The following TGM1 variants were observed in gnomAD, a reference collection of about 807,000 sequenced individuals.
TGM1 encodes the protein protein-glutamine gamma-glutamyltransferase K.
In TGM1, 63 loss-of-function variants were observed where a neutral mutation model predicts 88.7. That is an observed-to-expected ratio of 0.71 (90% CI 0.58 to 0.88). The LOEUF (loss-of-function observed/expected upper bound fraction) is 0.88. TGM1 is among the 40% of genes least tolerant of loss of function. The pLI, the probability that TGM1 is intolerant of heterozygous loss-of-function variation, is 0.00. For missense variants in TGM1, 996 were observed against 1,118.0 expected (o/e 0.89, Z 1.56); for synonymous variants, 415 against 431.1 (o/e 0.96, Z 0.46).
chr14:24,258,599 T>G lies in TGM1; in HGVS notation c.1234A>C (p.Thr412Pro). The G allele has an allele frequency of 1.9e-6, 3 of 1,614,164 alleles. No homozygotes were observed. The highest frequency in any genetic ancestry group is 2.5e-6 in the Non-Finnish European group (3 of 1,180,018). The change falls in exon 8 of 15, where the codon ACC (threonine) becomes CCC (proline). Residue 412 changes from threonine to proline, a missense_variant. Transcript: ENST00000206765. The part of the protein sequence containing the change: ...NSAHDTDTSL[T>P]MDIYFDENMK... ...TTCTCGTCGAAGTAGATGTCCATGG[T>G]AAGGGATGTGTCTGTGTCGTGGGCG...
rs749759208 is a variant in TGM1, at chr14:24,262,025, C to G, written c.319+9G>C. On this transcript the variant is annotated intron_variant, in intron 2 of 14. Transcript: ENST00000206765. The stretch of plus-strand genomic sequence containing the variant: ...TAGCTCTCAGCTGAGGAGGACAGAC[C>G]GGCCTCACCTCGGATGGTGCCATCT... The G allele has an allele frequency of 6.2e-7, 1 of 1,613,230 alleles. No homozygotes were observed. The highest frequency in any genetic ancestry group is 1.3e-5 in the African/African-American group (1 of 75,020).
At position 24,262,155 on chromosome 14, in the gene TGM1, A is replaced by G. The variant is rs1333544245; in HGVS notation, c.198T>C (p.Ser66=). 2.5e-6 allele frequency: 4 copies of G among 1,613,722 alleles called. No individual in the cohort carries two copies. In the Admixed American group the frequency reaches 5.0e-5, roughly 20 times the overall value. Residue 66 remains serine, a synonymous_variant, in exon 2 of 15, where the codon TCT becomes TCC. Transcript: ENST00000206765. ...AGCTGGACCCTCGACCCCTGGAGTC[A>G]GAGGGTTCAGGTCCCCAGTCGTCAT... ...AADDDWGPEP[S]DSRGRGSSSG...
At chr14:24,260,412 C>T in intron 4 of TGM1, 38 bp downstream of exon 4, 2 of 1,613,566 alleles carry the variant, frequency 1.2e-6, no homozygotes, top group Non-Finnish European at 8.5e-7. Context: ...CTGTCTTTCC[C>T]TCCCATCTAC....
chr14:24,252,211 G>A (rs756047863), intron 14 of TGM1, among the ~76,000 whole-genome samples: 17 of 152,204 alleles, frequency 1.1e-4, no homozygotes, highest in Non-Finnish European at 2.1e-4. Context: ...CAATTGTACT[G>A]GAGGCTCTGG....
At chr14:24,251,822 T>C (rs185608962) in intron 14 of TGM1, among the ~76,000 whole-genome samples, 1 of 152,350 alleles carries the variant, frequency 6.6e-6, no homozygotes, top group Non-Finnish European at 1.5e-5. Context: ...ACTTGTTCAC[T>C]TATCTTATTA....
chr14:24,258,338 G>C lies in TGM1; in HGVS notation c.1349C>G (p.Ser450Trp). ...CACCACCTGCCACCCATCAAAGCCC[G>C]AGGGCAGATCCGGCCTCTTCATCCA... Reference protein sequence around the residue: ...DCWMKRPDLPSGFDGWQVVDA... With the variant: ...DCWMKRPDLPWGFDGWQVVDA... Residue 450 changes from serine to tryptophan, a missense_variant, in exon 9 of 15, where the codon TCG becomes TGG. Transcript: ENST00000206765. The C allele has an allele frequency of 6.2e-7, 1 of 1,614,102 alleles. No individual in the cohort carries two copies. Among genetic ancestry groups the C allele is most frequent in the Non-Finnish European group, 8.5e-7 (1 of 1,180,034 alleles).
At position 24,262,018 on chromosome 14, in the gene TGM1, G is replaced by T. The variant is rs755595758; in HGVS notation, c.319+16C>A. ...AGCCTTTTAGCTCTCAGCTGAGGAG[G>T]ACAGACCGGCCTCACCTCGGATGGT... On this transcript the variant is annotated intron_variant, in intron 2 of 14. Coordinates refer to ENST00000206765, the MANE Select transcript of TGM1 (RefSeq NM_000359.3). 5 of 1,613,068 alleles carry T rather than the reference G, an allele frequency of 3.1e-6. No individual in the cohort carries two copies. The highest frequency in any genetic ancestry group is 4.2e-6 in the Non-Finnish European group (5 of 1,179,992).
At position 24,258,697 on chromosome 14, in the gene TGM1, T is replaced by C. The variant is rs563816994; in HGVS notation, c.1160-24A>G. 11 of 1,612,078 alleles carry C rather than the reference T, an allele frequency of 6.8e-6. No individual in the cohort carries two copies. The Admixed American group carries it at 1.8e-4, about 27-fold the overall frequency. ...CACTGTGGAGGAGCGAAGGTTGGGG[T>C]TCAAGGCATGGGTTGGGGGCAAGTG... On this transcript the variant is annotated intron_variant, in intron 7 of 14. Transcript: ENST00000206765.
chr14:24,260,304 C>T (rs1808273717), intron 4 of TGM1, 146 bp downstream of exon 4: 4 of 1,369,038 alleles, frequency 2.9e-6, no homozygotes, highest in Non-Finnish European at 4.0e-6. Flanking sequence ...CCTTTCTGCA[C>T]CAGGCCTCGG....
At chr14:24,258,946 G>A in intron 7 of TGM1, 129 bp downstream of exon 7, 1 of 1,086,980 alleles carries the variant, frequency 9.2e-7, no homozygotes, top group Non-Finnish European at 1.4e-6. Flanking sequence ...TGATAATTAA[G>A]GCCAGCCTAT....
intron 9 of TGM1, 61 bp downstream of exon 9, chr14:24,258,224 T>C (rs1286158147): frequency 5.0e-6 from 7 of 1,413,470 alleles, no homozygotes; most frequent in South Asian, 1.2e-5. Context: ...CACTCTGGAC[T>C]GTGTTAATCA....
chr14:24,249,499 A>G lies in TGM1; in HGVS notation c.2268T>C (p.Phe756=). 1 of 1,614,152 alleles carries G rather than the reference A, an allele frequency of 6.2e-7. No homozygotes were observed. The highest frequency in any genetic ancestry group is 8.5e-7 in the Non-Finnish European group (1 of 1,180,016). Residue 756 remains phenylalanine (F), a synonymous_variant, in exon 15 of 15, where the codon TTT becomes TTC. Transcript: ENST00000206765. ...GGCGGGGGCCTGGTCGCACAGGCAC[A>G]AACGACTGGCGCAGTGTCACTGTTT... ...GNETVTLRQS[F]VPVRPGPRQL...
In TGM1 at chr14:24,262,096, T is replaced by C; in HGVS notation, c.257A>G (p.Asp86Gly). 1 of 1,612,888 alleles carries C rather than the reference T, an allele frequency of 6.2e-7. No homozygotes were observed. Among genetic ancestry groups the C allele is most frequent in the Non-Finnish European group, 8.5e-7 (1 of 1,179,884 alleles). The change falls in exon 2 of 15, where the codon GAC becomes GGC. Residue 86 changes from aspartate (D) to glycine (G), a missense_variant. Physicochemically the swap from Asp to Gly is moderately conservative, Grantham distance 94 (BLOSUM62 -1). Transcript: ENST00000206765. ...GTRRPGSRGS[D>G]SRRPVSRGSG... Reference sequence around the variant, plus strand: ...GCCCCGGGATACAGGCCGGCGGGAGTCTGAGCCCCGGGAGCCAGGTCTTCG... The same window carrying C: ...GCCCCGGGATACAGGCCGGCGGGAGCCTGAGCCCCGGGAGCCAGGTCTTCG...
At position 24,249,302 on chromosome 14, in the gene TGM1, C is replaced by T. The variant is rs1430860237; in HGVS notation, c.*11G>A. 1.2e-5 allele frequency: 20 copies of T among 1,611,142 alleles called. No individual in the cohort carries two copies. Among genetic ancestry groups the T allele is most frequent in the Middle Eastern group, 3.3e-4 (2 of 6,082 alleles). The stretch of plus-strand genomic sequence containing the variant: ...TCATCTGACTCCAGTCCCATTGCTC[C>T]TGGCACGGGGCTAAGCTCCACCTCG... On this transcript the variant is annotated 3_prime_UTR_variant, in exon 15 of 15. Transcript: ENST00000206765.
chr14:24,259,903 C>T lies in TGM1; in HGVS notation c.876+37G>A. ...CCAGCCCCCACACCCACCCCAGCTC[C>T]TCTGGGTGTATGTGACCCTGGCCAG... On this transcript the variant is annotated intron_variant, in intron 5 of 14. Transcript: ENST00000206765. This position sits in a 1 kb window ranked among gnomAD's most constrained non-coding sequence, Gnocchi z 5.7. The T allele has an allele frequency of 3.1e-6, 5 of 1,607,212 alleles. No homozygotes were observed. The highest frequency in any genetic ancestry group is 4.3e-6 in the Non-Finnish European group (5 of 1,173,834).
At position 24,261,864 on chromosome 14, in the gene TGM1, G is replaced by T; in HGVS notation, c.339C>A (p.Asn113Lys). ...AGCGCGAGCTCAGCAAGTCCACACC[G>T]TTCACTACTAGCATGCCCTCTGCAA... ...GTIREGMLVVNGVDLLSSRSD... is the reference protein window; with the variant it reads ...GTIREGMLVVKGVDLLSSRSD... The change falls in exon 3 of 15, where the codon AAC (asparagine) becomes AAA (lysine). Residue 113 changes from asparagine (N) to lysine (K), a missense_variant. Coordinates refer to ENST00000206765, the MANE Select transcript of TGM1 (RefSeq NM_000359.3). 6.2e-7 allele frequency: 1 copy of T among 1,613,678 alleles called. No homozygotes were observed. The highest frequency in any genetic ancestry group is 8.5e-7 in the Non-Finnish European group (1 of 1,180,014).
In TGM1 at chr14:24,259,242, G is replaced by A. The variant is rs1487862181; in HGVS notation, c.992C>T (p.Ser331Phe). The A allele has an allele frequency of 1.9e-6, 3 of 1,612,340 alleles. No individual in the cohort carries two copies. The highest frequency in any genetic ancestry group is 1.7e-5 in the Admixed American group (1 of 59,772). The change falls in exon 7 of 15, where the codon TCC (serine) becomes TTC (phenylalanine). Residue 331 changes from serine (S) to phenylalanine (F), a missense_variant. By Grantham distance (155) the Ser-to-Phe change is radical (BLOSUM62 -2). Transcript: ENST00000206765. This position sits in a 1 kb window ranked among gnomAD's most constrained non-coding sequence, Gnocchi z 5.7. ...VSRVISAMVNSLDDNGVLIGN... is the reference protein window; with the variant it reads ...VSRVISAMVNFLDDNGVLIGN... The stretch of plus-strand genomic sequence containing the variant: ...AATCAGGACTCCATTGTCATCCAGG[G>A]AGTTCACCTGCCCAGGACAGGATGA...
intron 14 of TGM1, among the ~76,000 whole-genome samples, chr14:24,251,308 C>T (rs374020376): frequency 6.6e-6 from 1 of 152,176 alleles, no homozygotes; most frequent in Non-Finnish European, 1.5e-5. Flanking sequence ...TTCATAGATA[C>T]AAGATTCAAG....
chr14:24,257,753 TC>T (rs558443822), intron 9 of TGM1, among the ~76,000 whole-genome samples: 169 of 152,318 alleles, frequency 1.1e-3, no homozygotes, highest in African/African-American at 3.9e-3. Context: ...CCTGGGAAAG[TC>T]TAATGTATCA....
Sources: allele counts gnomAD v4.1 joint callset (sites outside exome capture counted in the v4.1 genomes callset), GRCh38; gene constraint gnomAD v4.1.1; non-coding constraint Gnocchi (gnomAD v3.1); transcripts MANE v1.5; gene names NCBI Gene and HGNC (gene_info 2026-07-23, HGNC 2026-07-21).